The following CNOT6 variants were observed in gnomAD, a reference collection of about 807,000 sequenced individuals.
The protein encoded by CNOT6 is carbon catabolite repression 4 protein.
In CNOT6, 12 loss-of-function variants were observed where a neutral mutation model predicts 61.2. The ratio of observed to expected loss-of-function variants is 0.20; its 90% CI spans 0.13 to 0.32. The LOEUF (loss-of-function observed/expected upper bound fraction) is 0.32. Ranked by LOEUF, CNOT6 falls within the 10% of genes least tolerant of loss-of-function variation. The probability of loss-of-function intolerance (pLI) is 1.00; values close to 1 mark genes in which losing one functional copy is unlikely to be tolerated. For missense variants in CNOT6, 405 were observed against 663.9 expected, an observed-to-expected ratio of 0.61 and a Z score of 4.28; for synonymous variants, 225 against 240.6, an observed-to-expected ratio of 0.94 and a Z score of 0.60.
intron 7 of CNOT6, among the ~76,000 whole-genome samples, chr5:180,566,276 G>A (rs1760449933): frequency 6.6e-6 from 1 of 152,184 alleles, no homozygotes; most frequent in African/African-American, 2.4e-5. Context: ...TGAAATTCTA[G>A]CGTGGTCAAG....
chr5:180,553,954 G>C (rs934682992), intron 4 of CNOT6, among the ~76,000 whole-genome samples: 2 of 152,170 alleles, frequency 1.3e-5, no homozygotes, highest in African/African-American at 2.4e-5. Flanking sequence ...AGAACTATTA[G>C]GAAATAAATA....
chr5:180,543,320 A>G (rs1759139629), intron 2 of CNOT6, among the ~76,000 whole-genome samples: 2 of 148,418 alleles, frequency 1.3e-5, no homozygotes, highest in Admixed American at 6.7e-5. Flanking sequence ...CGGCCTCCCA[A>G]AGTGCTGTGA....
At chr5:180,507,397 C>T (rs1363351675) in intron 1 of CNOT6, among the ~76,000 whole-genome samples, 4 of 152,098 alleles carry the variant, frequency 2.6e-5, no homozygotes, top group Admixed American at 1.3e-4. Context: ...GTCAGGAGTT[C>T]GAGACTAGCC....
rs535525094 is a variant in CNOT6, at chr5:180,577,286, C to T, written c.*3086C>T. 6 of 152,466 alleles carry T rather than the reference C, an allele frequency of 3.9e-5. No homozygotes were observed. Among genetic ancestry groups the T allele is most frequent in the African/African-American group, 1.2e-4 (5 of 41,466 alleles). 9.4% of individuals were successfully genotyped at this position (152,466 alleles called of 1,614,324 possible). A position where few individuals can be genotyped will look rare whatever the true frequency, so the allele number is the denominator to read the frequency against. On this transcript the variant is annotated 3_prime_UTR_variant, in exon 12 of 12. Coordinates refer to ENST00000261951, the MANE Select transcript of CNOT6 (RefSeq NM_001370472.1). The stretch of plus-strand genomic sequence containing the variant: ...ACATTATTAAATTGGATGGAATGCA[C>T]TTCTAAATGTTTAAATTAAAATTTC...
chr5:180,567,253 T>C lies in CNOT6; in HGVS notation c.872+11T>C, dbSNP rs765443590. ...CTTCAAGACAGAAAAGTAAGTCATCTTATTTTTTAAAAAGAACGTTTTCTC... is the reference window on the plus strand; with the variant it reads ...CTTCAAGACAGAAAAGTAAGTCATCCTATTTTTTAAAAAGAACGTTTTCTC... On this transcript the variant is annotated intron_variant, in intron 8 of 11. Transcript: ENST00000261951. The C allele has an allele frequency of 1.4e-5, 22 of 1,593,634 alleles. No homozygotes were observed. The highest frequency in any genetic ancestry group is 1.9e-5 in the Non-Finnish European group (22 of 1,174,286).
chr5:180,518,807 A>C (rs1011097459), intron 1 of CNOT6, among the ~76,000 whole-genome samples: 4 of 152,070 alleles, frequency 2.6e-5, no homozygotes, highest in Non-Finnish European at 5.9e-5. Context: ...TTTCCGTTTA[A>C]TTTCCTTGAT....
chr5:180,501,557 A>T (rs1348625236), intron 1 of CNOT6, among the ~76,000 whole-genome samples: 1 of 152,160 alleles, frequency 6.6e-6, no homozygotes, highest in Non-Finnish European at 1.5e-5. Flanking sequence ...TTAGGGGATT[A>T]CTCAGGAAGA....
At chr5:180,566,062 T>A in intron 7 of CNOT6, 85 bp downstream of exon 7, 1 of 1,223,620 alleles carries the variant, frequency 8.2e-7, no homozygotes, top group Non-Finnish European at 1.1e-6. Context: ...TTTGAAGTTT[T>A]AGCTTCAGTA....
intron 4 of CNOT6, 112 bp downstream of exon 4, chr5:180,553,583 C>T: frequency 1.4e-6 from 1 of 725,992 alleles, no homozygotes; most frequent in Non-Finnish European, 2.3e-6. Context: ...TTCCCCCAGA[C>T]TTCATCAGTT....
chr5:180,517,616 T>G (rs936677470), intron 1 of CNOT6, among the ~76,000 whole-genome samples: 1 of 151,980 alleles, frequency 6.6e-6, no homozygotes, highest in African/African-American at 2.4e-5. Flanking sequence ...CGATCTTGGC[T>G]CACTGCAACC....
At position 180,494,515 on chromosome 5, in the gene CNOT6, G is replaced by A. The variant is rs1440548498; in HGVS notation, c.-251G>A. 6.5e-6 allele frequency: 1 copy of A among 154,170 alleles called. No individual in the cohort carries two copies. The highest frequency in any genetic ancestry group is 1.4e-5 in the Non-Finnish European group (1 of 69,430). 9.6% of individuals were successfully genotyped at this position (154,170 alleles called of 1,614,324 possible). On this transcript the variant is annotated 5_prime_UTR_variant, in exon 1 of 12. Coordinates refer to ENST00000261951, the MANE Select transcript of CNOT6 (RefSeq NM_001370472.1). ...AGGCAGCGGCGGGCGCAGCGAGGAG[G>A]GCGAGGCCGGGGGCCGAGAGGGCGG...
rs747041560 is a variant in CNOT6, at chr5:180,564,594, G to A, written c.490+1G>A. ...AATTTGTCAGGTACTGCAAAAAGAA[G>A]TAAGTGGTTATTTGTTTAAACCTTT... On this transcript the variant is annotated splice_donor_variant, in intron 5 of 11. Coordinates refer to ENST00000261951, the MANE Select transcript of CNOT6 (RefSeq NM_001370472.1). LOFTEE classifies it high-confidence loss of function. 6.2e-7 allele frequency: 1 copy of A among 1,612,668 alleles called. No homozygotes were observed. Among genetic ancestry groups the A allele is most frequent in the Non-Finnish European group, 8.5e-7 (1 of 1,178,732 alleles).
intron 2 of CNOT6, chr5:180,534,251 G>T: frequency 6.3e-6 from 1 of 159,636 alleles, no homozygotes; most frequent in South Asian, 1.7e-4. Context: ...CTACCGAAAG[G>T]GGAAGGTTGA....
chr5:180,522,313 C>T (rs1325227672), intron 1 of CNOT6, among the ~76,000 whole-genome samples: 1 of 151,850 alleles, frequency 6.6e-6, no homozygotes, highest in Non-Finnish European at 1.5e-5. Flanking sequence ...TGGGGTTTTG[C>T]CTTGTTGCCC....
chr5:180,520,427 A>G (rs1757829565), intron 1 of CNOT6, among the ~76,000 whole-genome samples: 1 of 152,028 alleles, frequency 6.6e-6, no homozygotes, highest in Admixed American at 6.5e-5. Context: ...GCAGATCACC[A>G]GGTTAGGAGA....
intron 1 of CNOT6, among the ~76,000 whole-genome samples, chr5:180,500,066 A>G (rs549771664): frequency 2.6e-5 from 4 of 152,216 alleles, no homozygotes; most frequent in East Asian, 1.9e-4. Flanking sequence ...TTGTGTATCA[A>G]TCACAGTGGA....
At chr5:180,523,563 G>A (rs1757965906) in intron 1 of CNOT6, among the ~76,000 whole-genome samples, 1 of 152,132 alleles carries the variant, frequency 6.6e-6, no homozygotes, top group South Asian at 2.1e-4. Context: ...CTAACCAGAG[G>A]AGGTTCAAAT....
chr5:180,555,898 T>TC (rs1187055091), intron 4 of CNOT6, among the ~76,000 whole-genome samples: 2 of 152,124 alleles, frequency 1.3e-5, no homozygotes, highest in African/African-American at 4.8e-5. Flanking sequence ...CTTCACTTTT[T>TC]CCCCCCACAT....
intron 2 of CNOT6, among the ~76,000 whole-genome samples, chr5:180,541,469 T>TTTTG (rs1759036632): frequency 2.1e-5 from 3 of 144,336 alleles, no homozygotes; most frequent in African/African-American, 5.2e-5. Context: ...TTTTTTTTTT[T>TTTTG]GAGACAGAGT....
Sources: gnomAD v4.1 joint callset for allele counts (sites outside exome capture counted in the v4.1 genomes callset) on GRCh38, gnomAD v4.1.1 for gene constraint, MANE v1.5 for transcripts, NCBI Gene and HGNC (gene_info 2026-07-23, HGNC 2026-07-21) for gene names.